Variants in CDH13 observed in about 807,000 individuals in gnomAD.
CDH13 encodes the protein cadherin-13.
A neutral mutation model predicts 63.8 loss-of-function variants in CDH13; 24 were observed. The observed-to-expected ratio is 0.38, with a 90% CI of 0.27 to 0.53. The LOEUF (loss-of-function observed/expected upper bound fraction) is 0.53, where lower values mean the gene tolerates loss of function less well. Among genes scored for constraint, CDH13 ranks in the 20% least tolerant of loss-of-function variants. CDH13 has a pLI of 0.85. For missense variants in CDH13, 1,049 were observed against 903.1 expected, an observed-to-expected ratio of 1.16 and a Z score of -2.07; for synonymous variants, 503 against 355.3, an observed-to-expected ratio of 1.42 and a Z score of -4.67.
intron 10 of CDH13, among the ~76,000 whole-genome samples, chr16:83,738,130 C>G (rs1436813746): frequency 6.6e-6 from 1 of 152,196 alleles, no homozygotes; most frequent in Non-Finnish European, 1.5e-5. Context: ...AGCCTGCTGG[C>G]ATGGCCCTTG....
At chr16:83,056,771 T>A (rs1444704160) in intron 3 of CDH13, among the ~76,000 whole-genome samples, 1 of 152,126 alleles carries the variant, frequency 6.6e-6, no homozygotes, top group East Asian at 1.9e-4. Context: ...GGTGGGTTTT[T>A]CCCATGCTGT....
chr16:83,646,841 C>A (rs1005026941), intron 8 of CDH13, among the ~76,000 whole-genome samples: 2 of 151,874 alleles, frequency 1.3e-5, no homozygotes, highest in Non-Finnish European at 2.9e-5. Flanking sequence ...GGTCTGATGG[C>A]TTCTTCTCTA....
intron 4 of CDH13, among the ~76,000 whole-genome samples, chr16:83,136,403 G>A (rs1051911994): frequency 5.3e-5 from 8 of 150,332 alleles, no homozygotes; most frequent in Non-Finnish European, 8.9e-5. Flanking sequence ...GGAGAATGGC[G>A]TGAACCCAGG....
chr16:83,396,935 G>A (rs1335100273), intron 6 of CDH13, among the ~76,000 whole-genome samples: 1 of 152,130 alleles, frequency 6.6e-6, no homozygotes, highest in Non-Finnish European at 1.5e-5. Flanking sequence ...TCCAGTTGAG[G>A]AAGCTGAGGC....
At chr16:83,136,928 C>G (rs183654205) in intron 4 of CDH13, among the ~76,000 whole-genome samples, 1 of 152,210 alleles carries the variant, frequency 6.6e-6, no homozygotes, top group Admixed American at 6.5e-5. Context: ...GGCATAAATT[C>G]TCCCACAGCG....
chr16:82,934,733 G>A (rs1272813204), intron 2 of CDH13, among the ~76,000 whole-genome samples: 1 of 152,138 alleles, frequency 6.6e-6, no homozygotes, highest in Non-Finnish European at 1.5e-5. Flanking sequence ...CTAGGGCAAG[G>A]GCAAGGGCAA....
intron 5 of CDH13, among the ~76,000 whole-genome samples, chr16:83,218,876 C>A (rs1288060536): frequency 1.3e-5 from 2 of 152,120 alleles, no homozygotes; most frequent in Non-Finnish European, 2.9e-5. Flanking sequence ...GAATAAGTCT[C>A]ATGAGATCTG....
At chr16:83,105,887 T>A (rs991348864) in intron 3 of CDH13, among the ~76,000 whole-genome samples, 5 of 152,152 alleles carry the variant, frequency 3.3e-5, no homozygotes, top group Non-Finnish European at 7.3e-5. Flanking sequence ...GAAGATGGTA[T>A]CCCAGTTAGA....
intron 1 of CDH13, among the ~76,000 whole-genome samples, chr16:82,779,168 T>C (rs17276586): frequency 0.28 from 42,665 of 152,154 alleles, 6,785 homozygotes; most frequent in South Asian, 0.45. Flanking sequence ...ATGCTAGATA[T>C]CCTTCTAAGT....
At chr16:83,041,885 G>A (rs1232227099) in intron 3 of CDH13, among the ~76,000 whole-genome samples, 1 of 152,210 alleles carries the variant, frequency 6.6e-6, no homozygotes, top group African/African-American at 2.4e-5. Flanking sequence ...TCAGTGCCTT[G>A]CTAATGGATG....
chr16:83,677,679 T>A (rs1033751882), intron 9 of CDH13, among the ~76,000 whole-genome samples: 2 of 152,130 alleles, frequency 1.3e-5, no homozygotes, highest in African/African-American at 4.8e-5. Flanking sequence ...AAAACTTTGG[T>A]TTTCCTGTTC....
chr16:82,655,317 G>A (rs1911173317), intron 1 of CDH13, among the ~76,000 whole-genome samples: 1 of 152,208 alleles, frequency 6.6e-6, no homozygotes, highest in African/African-American at 2.4e-5. Context: ...TGTGACGAAG[G>A]TGCTCCTTGT....
At chr16:82,900,262 G>C (rs1195730712) in intron 2 of CDH13, among the ~76,000 whole-genome samples, 2 of 152,168 alleles carry the variant, frequency 1.3e-5, no homozygotes, top group South Asian at 2.1e-4. Flanking sequence ...TTGACACTTA[G>C]AGAATGTGAA....
rs553518355 is a variant in CDH13 at position 83,663,633 on chromosome 16, G to A, written c.1102-7157G>A. On this transcript the variant is annotated intron_variant, in intron 8 of 13. Coordinates refer to ENST00000567109, the MANE Select transcript of CDH13 (RefSeq NM_001257.5). ...TTTGGGGAAGCAGAGACATGACTCC[G>A]ACTCTTCAGGAGCTCAACAATGGGA... Among the ~76,000 whole-genome samples, 257 of 152,256 alleles carry A rather than the reference G, an allele frequency of 1.7e-3. 1 individual carries two copies. Among genetic ancestry groups the A allele is most frequent in the Middle Eastern group, 3.4e-3 (1 of 292 alleles).
intron 10 of CDH13, among the ~76,000 whole-genome samples, chr16:83,740,751 G>A (rs573049546): frequency 4.5e-4 from 68 of 152,300 alleles, no homozygotes; most frequent in African/African-American, 1.6e-3. Context: ...TGGAGTCACA[G>A]AAGGTCATAC....
At chr16:83,769,999 G>A (rs540990600) in intron 11 of CDH13, among the ~76,000 whole-genome samples, 13 of 152,124 alleles carry the variant, frequency 8.5e-5, no homozygotes, top group South Asian at 2.1e-4. Context: ...CCTGATTAAC[G>A]CTGAATTATA....
intron 2 of CDH13, among the ~76,000 whole-genome samples, chr16:82,917,572 G>A (rs2042027966): frequency 6.6e-6 from 1 of 152,128 alleles, no homozygotes; most frequent in South Asian, 2.1e-4. Flanking sequence ...ATTCAAAGAA[G>A]CGTATTGTGA....
At chr16:83,594,884 G>A (rs1907112156) in intron 7 of CDH13, among the ~76,000 whole-genome samples, 1 of 152,194 alleles carries the variant, frequency 6.6e-6, no homozygotes, top group African/African-American at 2.4e-5. Flanking sequence ...TTCAAGATGA[G>A]ATGTTTGCTT....
chr16:83,554,030 A>C (rs1239679577), intron 7 of CDH13, among the ~76,000 whole-genome samples: 1 of 152,178 alleles, frequency 6.6e-6, no homozygotes, highest in Non-Finnish European at 1.5e-5. Context: ...CTGTTTTCTT[A>C]ATAATGCCTA....
Sources: gnomAD v4.1 joint callset for allele counts (sites outside exome capture counted in the v4.1 genomes callset) on GRCh38, gnomAD v4.1.1 for gene constraint, MANE v1.5 for transcripts, NCBI Gene and HGNC (gene_info 2026-07-23, HGNC 2026-07-21) for gene names.